Variants in IRAK1BP1 observed in about 807,000 individuals in gnomAD.
IRAK1BP1 encodes interleukin 1 receptor associated kinase 1 binding protein 1.
In IRAK1BP1, 24 loss-of-function variants were observed where a neutral mutation model predicts 28.0. That is an observed-to-expected ratio of 0.86 (90% CI 0.62 to 1.20). The LOEUF (loss-of-function observed/expected upper bound fraction) is 1.20. IRAK1BP1 is among the 50% of genes most tolerant of loss of function. IRAK1BP1 has a pLI of 0.00. For missense variants in IRAK1BP1, 336 were observed against 316.7 expected (o/e 1.06, Z -0.46); for synonymous variants, 131 against 116.3 (o/e 1.13, Z -0.81).
chr6:78,915,781 G>A (rs1297934789), intron 4 of IRAK1BP1, among the ~76,000 whole-genome samples: 1 of 152,080 alleles, frequency 6.6e-6, no homozygotes, highest in Non-Finnish European at 1.5e-5. Context: ...TCTTTTGTAG[G>A]CATTTCTTTT....
At chr6:78,879,690 G>A (rs1771150711) in intron 1 of IRAK1BP1, among the ~76,000 whole-genome samples, 1 of 152,194 alleles carries the variant, frequency 6.6e-6, no homozygotes, top group African/African-American at 2.4e-5. Context: ...GTCAAGCACT[G>A]GATGGAACAA....
At chr6:78,978,673 T>C in the IRAK1BP1 span, 2 of 1,595,342 alleles carry the variant, frequency 1.3e-6, no homozygotes, top group Non-Finnish European at 8.6e-7. Flanking sequence ...ATTCTTCTAA[T>C]GTCAAACCAT....
At chr6:78,926,958 T>C (rs1772906327) in intron 4 of IRAK1BP1, among the ~76,000 whole-genome samples, 1 of 152,128 alleles carries the variant, frequency 6.6e-6, no homozygotes, top group Non-Finnish European at 1.5e-5. Context: ...TGATGGACAC[T>C]TAGGTTCCTT....
downstream of IRAK1BP1, among the ~76,000 whole-genome samples, chr6:78,949,489 G>A (rs542605314): frequency 6.6e-6 from 1 of 151,942 alleles, no homozygotes; most frequent in South Asian, 2.1e-4. Context: ...GTGCCCCAGG[G>A]CCCACTGGAA....
At chr6:78,911,910 T>C (rs2127662040) in intron 4 of IRAK1BP1, among the ~76,000 whole-genome samples, 2 of 152,316 alleles carry the variant, frequency 1.3e-5, no homozygotes, top group Middle Eastern at 6.8e-3. Context: ...TTGGTTTTTG[T>C]CTCTGTACCT....
rs1179302493 is a variant in IRAK1BP1 at position 78,898,867 on chromosome 6, T to C, written c.*533T>C. ...TAAATACATAATTTTAAGTGCATCC[T>C]GTCAGGTCTGATATTTAATTTTACT... is the stretch of plus-strand genomic sequence containing the variant. On this transcript the variant is annotated 3_prime_UTR_variant, in exon 4 of 4. Transcript: ENST00000369940. 6.6e-6 allele frequency: 1 copy of C among 152,166 alleles called. No homozygotes were observed. The highest frequency in any genetic ancestry group is 1.5e-5 in the Non-Finnish European group (1 of 68,030). 9.4% of individuals were successfully genotyped at this position (152,166 alleles called of 1,614,324 possible). A position where few individuals can be genotyped will look rare whatever the true frequency, so the allele number is the denominator to read the frequency against.
the IRAK1BP1 span, among the ~76,000 whole-genome samples, chr6:78,972,550 G>C: frequency 2.6e-5 from 4 of 152,168 alleles, no homozygotes; most frequent in Admixed American, 6.5e-5. Context: ...TGAGCTGAGA[G>C]AAGAAGGCTT....
intron 4 of IRAK1BP1, among the ~76,000 whole-genome samples, chr6:78,910,845 G>A (rs1772393464): frequency 6.6e-6 from 1 of 152,238 alleles, no homozygotes; most frequent in Non-Finnish European, 1.5e-5. Context: ...ATTGCTGGGT[G>A]CGCGCTCCGT....
At position 78,886,313 on chromosome 6, in the gene IRAK1BP1, T is replaced by C. The variant is rs1054329697; in HGVS notation, c.381+870T>C. Among the ~76,000 whole-genome samples the C allele has an allele frequency of 5.3e-5, 8 of 152,274 alleles. No individual in the cohort carries two copies. In the East Asian group the frequency reaches 1.5e-3, roughly 29 times the overall value. ...GAAATTAGAACCCTGGATTCTTATC[T>C]CTTGAGAAGCAACTTCCACAATATT... On this transcript the variant is annotated intron_variant, in intron 2 of 3. Coordinates refer to ENST00000369940, the MANE Select transcript of IRAK1BP1 (RefSeq NM_001010844.4).
At chr6:78,938,776 GA>G (rs1298789508) in intron 4 of IRAK1BP1, 3 of 151,598 alleles carry the variant, frequency 2.0e-5, no homozygotes, top group Non-Finnish European at 4.4e-5. Context: ...TCAAGATCTG[GA>G]AAATGGTTTA....
At chr6:78,895,517 G>A (rs1034617260) in intron 2 of IRAK1BP1, among the ~76,000 whole-genome samples, 16 of 151,906 alleles carry the variant, frequency 1.1e-4, no homozygotes, top group South Asian at 2.1e-4. Flanking sequence ...ACACACACAC[G>A]TATCCTTTAC....
chr6:78,935,628 T>A (rs1235994314), intron 4 of IRAK1BP1: 1 of 982,408 alleles, frequency 1.0e-6, no homozygotes, highest in Non-Finnish European at 1.2e-6. Flanking sequence ...TATAAGTTTT[T>A]GACCTTCAGT....
At chr6:78,937,081 T>A (rs1034872371) in intron 4 of IRAK1BP1, 1 of 151,772 alleles carries the variant, frequency 6.6e-6, no homozygotes, top group African/African-American at 2.4e-5. Flanking sequence ...ACTTTTAAAA[T>A]CATGTAACTC....
chr6:78,907,911 G>A (rs905203305), downstream of IRAK1BP1, among the ~76,000 whole-genome samples: 1 of 151,632 alleles, frequency 6.6e-6, no homozygotes, highest in Admixed American at 6.6e-5. Context: ...GTAGAGACGG[G>A]GTTTCACCAT....
At chr6:78,945,410 T>C in exon 5 of IRAK1BP1, 1 of 1,612,214 alleles carries the variant, frequency 6.2e-7, no homozygotes, top group Non-Finnish European at 8.5e-7. Context: ...TTTTGCAGAA[T>C]TATTCCTAGT....
chr6:78,952,535 T>C, the IRAK1BP1 span, among the ~76,000 whole-genome samples: 4 of 152,052 alleles, frequency 2.6e-5, no homozygotes, highest in Admixed American at 2.6e-4. Flanking sequence ...AAATTTTTGT[T>C]AGACATATTT....
Position 78,900,157 on chromosome 6 carries a change from G to C in IRAK1BP1, c.*1823G>C, listed in dbSNP as rs556719097. The C allele has an allele frequency of 9.2e-5, 14 of 152,206 alleles. No individual in the cohort carries two copies. The highest frequency in any genetic ancestry group is 1.5e-4 in the Non-Finnish European group (10 of 68,040). 9.4% of individuals were successfully genotyped at this position (152,206 alleles called of 1,614,324 possible). On this transcript the variant is annotated 3_prime_UTR_variant, in exon 4 of 4. Coordinates refer to ENST00000369940, the MANE Select transcript of IRAK1BP1 (RefSeq NM_001010844.4). ...TACTTGAAGGCCACAAATGGCTTGA[G>C]ACTACCTTGCTGAACAGACCAAGGT...
the IRAK1BP1 span, chr6:78,970,256 T>C: frequency 1.6e-6 from 2 of 1,226,214 alleles, no homozygotes; most frequent in Non-Finnish European, 2.3e-6. Flanking sequence ...AGAAAAAACT[T>C]CTTGGTTTAA....
intron 1 of IRAK1BP1, among the ~76,000 whole-genome samples, chr6:78,884,663 T>G (rs1461558963): frequency 6.6e-6 from 1 of 152,126 alleles, no homozygotes; most frequent in Non-Finnish European, 1.5e-5. Flanking sequence ...TACGTGGTAT[T>G]AACCTGATTT....
Sources: gnomAD v4.1 joint callset for allele counts (sites outside exome capture counted in the v4.1 genomes callset) on GRCh38, gnomAD v4.1.1 for gene constraint, MANE v1.5 for transcripts, NCBI Gene and HGNC (gene_info 2026-07-23, HGNC 2026-07-21) for gene names.